UGT1A5: variants seen among roughly 807,000 people sequenced by gnomAD.
UGT1A5 encodes UDP-glucuronosyltransferase 1A5.
Under a neutral mutation model 40.3 loss-of-function variants are expected in UGT1A5, and 29 were observed. That is an observed-to-expected ratio of 0.72 (90% CI 0.54 to 0.98). The LOEUF (loss-of-function observed/expected upper bound fraction) is 0.98. Ranked by LOEUF, UGT1A5 falls within the 50% of genes least tolerant of loss-of-function variation. UGT1A5 has a pLI of 0.00. For synonymous variants in UGT1A5, 257 were observed against 262.5 expected (o/e 0.98, Z 0.20); for missense variants, 678 against 677.9 (o/e 1.00, Z 0.00).
At chr2:233,750,064 T>C (rs1472554795) in intron 1 of UGT1A5, among the ~76,000 whole-genome samples, 1 of 151,832 alleles carries the variant, frequency 6.6e-6, no homozygotes, top group East Asian at 1.9e-4. Context: ...ACTTTGGAAC[T>C]GGGTAACAGG....
intron 1 of UGT1A5, among the ~76,000 whole-genome samples, chr2:233,744,983 A>G (rs1224917598): frequency 1.3e-5 from 2 of 151,846 alleles, no homozygotes; most frequent in African/African-American, 4.9e-5. Flanking sequence ...GCCTCTAGTC[A>G]TCTCTTGATT....
chr2:233,721,442 T>G (rs543362846), intron 1 of UGT1A5: 10 of 162,688 alleles, frequency 6.1e-5, no homozygotes, highest in Admixed American at 1.3e-4. Context: ...TTAATGTTGT[T>G]ATAGTGAGCA....
intron 1 of UGT1A5, among the ~76,000 whole-genome samples, chr2:233,763,176 T>C (rs1474049260): frequency 6.6e-6 from 1 of 152,268 alleles, no homozygotes; most frequent in Admixed American, 6.5e-5. Context: ...GTTGACTACA[T>C]ATTTGTTGTT....
intron 1 of UGT1A5, chr2:233,730,115 T>C (rs2077988108): frequency 6.4e-7 from 1 of 1,560,670 alleles, no homozygotes; most frequent in Non-Finnish European, 8.7e-7. Flanking sequence ...CTGCTTCTCC[T>C]TGTCATAATA....
At chr2:233,726,844 C>T (rs1432960908) in intron 1 of UGT1A5, among the ~76,000 whole-genome samples, 1 of 152,154 alleles carries the variant, frequency 6.6e-6, no homozygotes, top group Admixed American at 6.5e-5. Flanking sequence ...AATTTTTGTT[C>T]CTTTTCTCCA....
intron 1 of UGT1A5, among the ~76,000 whole-genome samples, chr2:233,716,166 G>A (rs1366189269): frequency 6.6e-6 from 1 of 152,138 alleles, no homozygotes; most frequent in Non-Finnish European, 1.5e-5. Flanking sequence ...GAGATGCAGT[G>A]CAGCATCTTC....
intron 1 of UGT1A5, chr2:233,729,209 G>T (rs1321436420): frequency 6.2e-7 from 1 of 1,613,990 alleles, no homozygotes. Flanking sequence ...TGGGCTGAGA[G>T]TGGAAAGGTG....
At chr2:233,747,339 C>CA (rs1401880990) in intron 1 of UGT1A5, 116 of 1,603,228 alleles carry the variant, frequency 7.2e-5, no homozygotes, top group South Asian at 2.9e-4. Context: ...GCCACTGGCT[C>CA]GCATGCGGGA....
chr2:233,733,823 A>G (rs1027211154), intron 1 of UGT1A5, among the ~76,000 whole-genome samples: 1 of 152,166 alleles, frequency 6.6e-6, no homozygotes. Context: ...GCCTCATAAA[A>G]TGAGTTAGGG....
intron 1 of UGT1A5, among the ~76,000 whole-genome samples, chr2:233,731,531 G>A (rs1424894745): frequency 2.0e-5 from 3 of 152,100 alleles, no homozygotes; most frequent in African/African-American, 4.8e-5. Context: ...GAGAACATGC[G>A]GTGTTTGGTT....
intron 1 of UGT1A5, chr2:233,747,241 C>CTG: frequency 6.2e-7 from 1 of 1,603,058 alleles, no homozygotes; most frequent in South Asian, 1.1e-5. Context: ...GGTTCCCCTG[C>CTG]TGTGGCTGGC....
intron 1 of UGT1A5, among the ~76,000 whole-genome samples, chr2:233,724,104 C>T (rs1174163777): frequency 1.9e-4 from 20 of 105,450 alleles, no homozygotes; most frequent in African/African-American, 7.3e-4. Context: ...CCAGTAGGGG[C>T]GGCCGGGCAG....
Position 233,713,215 on chromosome 2 carries a change from T to TC in UGT1A5, c.225dup (p.Thr76HisfsTer15). Reference sequence around the variant, plus strand: ...ATGTACATCAAAGAAGAGAACTTTTTCACCCTGACAACGTATGCCATTTCA... The same window carrying TC: ...ATGTACATCAAAGAAGAGAACTTTTTCCACCCTGACAACGTATGCCATTTCA... On this transcript the variant is annotated frameshift_variant, in exon 1 of 5. Coordinates refer to ENST00000373414, the MANE Select transcript of UGT1A5 (RefSeq NM_019078.2). LOFTEE classifies it high-confidence loss of function. 1 of 1,614,220 alleles carries TC rather than the reference T, an allele frequency of 6.2e-7. No homozygotes were observed. Among genetic ancestry groups the TC allele is most frequent in the South Asian group, 1.1e-5 (1 of 91,084 alleles).
At chr2:233,763,105 T>C (rs1443643010) in intron 1 of UGT1A5, among the ~76,000 whole-genome samples, 1 of 152,254 alleles carries the variant, frequency 6.6e-6, no homozygotes, top group Non-Finnish European at 1.5e-5. Context: ...GGCACCGAAC[T>C]TTATCAGCTG....
chr2:233,767,095 C>T lies in UGT1A5; in HGVS notation c.929C>T (p.Ser310Leu), dbSNP rs1301476253. The T allele has an allele frequency of 6.2e-7, 1 of 1,614,096 alleles. No homozygotes were observed. The highest frequency in any genetic ancestry group is 1.7e-5 in the Admixed American group (1 of 60,026). ...EHGIVVFSLG[S>L]MVSEIPEKKA... Reference sequence around the variant, plus strand: ...GGAATTGTGGTTTTCTCTTTGGGATCAATGGTCTCAGAAATTCCAGAGAAG... The same window carrying T: ...GGAATTGTGGTTTTCTCTTTGGGATTAATGGTCTCAGAAATTCCAGAGAAG... Residue 310 changes from serine (S) to leucine (L), a missense_variant, in exon 2 of 5, where the codon TCA (serine) becomes TTA (leucine). By Grantham distance (145) the Ser-to-Leu change is moderately radical (BLOSUM62 -2). Coordinates refer to ENST00000373414, the MANE Select transcript of UGT1A5 (RefSeq NM_019078.2).
intron 1 of UGT1A5, among the ~76,000 whole-genome samples, chr2:233,718,425 G>A (rs963239673): frequency 6.6e-6 from 1 of 152,218 alleles, no homozygotes; most frequent in African/African-American, 2.4e-5. Context: ...GAGAACATGT[G>A]GTTGGGGACT....
intron 1 of UGT1A5, chr2:233,760,565 T>C (rs2125985983): frequency 6.2e-7 from 1 of 1,614,264 alleles, no homozygotes; most frequent in Non-Finnish European, 8.5e-7. Context: ...GAGTCTTTTG[T>C]TAGTCTCGGG....
intron 1 of UGT1A5, among the ~76,000 whole-genome samples, chr2:233,744,897 C>T (rs1246744781): frequency 6.6e-6 from 1 of 151,970 alleles, no homozygotes; most frequent in East Asian, 1.9e-4. Context: ...CCTCTCCATA[C>T]CAAAATCTAG....
chr2:233,755,070 C>T (rs1695739797), intron 1 of UGT1A5: 5 of 1,336,550 alleles, frequency 3.7e-6, no homozygotes, highest in South Asian at 1.1e-5. Context: ...CTCGCCATAG[C>T]GGTCATAGAT....
Sources: gnomAD v4.1 joint callset for allele counts (sites outside exome capture counted in the v4.1 genomes callset) on GRCh38, gnomAD v4.1.1 for gene constraint, MANE v1.5 for transcripts, NCBI Gene and HGNC (gene_info 2026-07-23, HGNC 2026-07-21) for gene names.